FAM124B: variants seen among roughly 807,000 people sequenced by gnomAD.
FAM124B encodes the protein family with sequence similarity 124 member B.
Under a neutral mutation model 19.7 loss-of-function variants are expected in FAM124B, and 18 were observed. The observed-to-expected ratio is 0.92, with a 90% CI of 0.63 to 1.36. The LOEUF (loss-of-function observed/expected upper bound fraction) is 1.36, where lower values mean the gene tolerates loss of function less well. Among genes scored for constraint, FAM124B ranks in the 40% most tolerant of loss-of-function variants. FAM124B has a pLI of 0.00. For missense variants in FAM124B, 540 were observed against 553.3 expected, an observed-to-expected ratio of 0.98 and a Z score of 0.24; for synonymous variants, 223 against 225.2, an observed-to-expected ratio of 0.99 and a Z score of 0.09.
intron 1 of FAM124B, among the ~76,000 whole-genome samples, chr2:224,387,316 G>A (rs1421854204): frequency 6.6e-6 from 1 of 152,200 alleles, no homozygotes; most frequent in Non-Finnish European, 1.5e-5. Flanking sequence ...CTGAACTCTT[G>A]AAAATCAAGT....
intron 1 of FAM124B, among the ~76,000 whole-genome samples, chr2:224,393,735 A>T (rs566849620): frequency 1.3e-5 from 2 of 152,360 alleles, no homozygotes; most frequent in South Asian, 4.1e-4. Flanking sequence ...AGCTCTGAGA[A>T]TAGCGACATC....
chr2:224,384,790 A>G (rs753867876), intron 1 of FAM124B, among the ~76,000 whole-genome samples: 6 of 152,066 alleles, frequency 3.9e-5, no homozygotes, highest in Non-Finnish European at 5.9e-5. Context: ...CATTCTCTCT[A>G]GGTGAAAGTG....
intron 1 of FAM124B, chr2:224,400,136 T>C (rs926716431): frequency 8.6e-6 from 2 of 233,056 alleles, no homozygotes; most frequent in African/African-American, 4.5e-5. Context: ...TTGACAGTGA[T>C]GCAAGATGCT....
intron 1 of FAM124B, among the ~76,000 whole-genome samples, chr2:224,387,722 T>A (rs1353684261): frequency 4.8e-5 from 7 of 146,554 alleles, no homozygotes; most frequent in Admixed American, 4.1e-4. Context: ...TGGGGTATGA[T>A]GGGGGTGGAG....
At chr2:224,383,027 G>T (rs1383637623) in intron 1 of FAM124B, among the ~76,000 whole-genome samples, 2 of 152,118 alleles carry the variant, frequency 1.3e-5, no homozygotes, top group Non-Finnish European at 2.9e-5. Flanking sequence ...CTCTCTAGGG[G>T]CGACACTGTT....
In FAM124B at chr2:224,401,179, A is replaced by C. The variant is rs928020765; in HGVS notation, c.590T>G (p.Val197Gly). The C allele has an allele frequency of 6.2e-7, 1 of 1,614,190 alleles. No individual in the cohort carries two copies. Among genetic ancestry groups the C allele is most frequent in the Non-Finnish European group, 8.5e-7 (1 of 1,180,040 alleles). ...CAGCACCGAAGACTCTTTGGGGTCC[A>C]CTGACATTCCCGGGGGCAGCTGCTT... is the stretch of plus-strand genomic sequence containing the variant. ...SLKQLPPGMS[V>G]DPKESSVLQF... is the part of the protein sequence containing the mutation. Residue 197 changes from valine to glycine, a missense_variant, in exon 1 of 2, where the codon GTG becomes GGG. Transcript: ENST00000409685.
intron 1 of FAM124B, among the ~76,000 whole-genome samples, chr2:224,390,779 C>A (rs112825059): frequency 1.9e-3 from 281 of 151,496 alleles, no homozygotes; most frequent in African/African-American, 6.5e-3. Context: ...CGGCCCACTG[C>A]AACCTCCACC....
At chr2:224,400,784 G>A (rs911864691) in intron 1 of FAM124B, among the ~76,000 whole-genome samples, 1 of 152,148 alleles carries the variant, frequency 6.6e-6, no homozygotes. Context: ...TTATCTGTCA[G>A]ATGAGATTTT....
rs1689693525 is a variant in FAM124B, at chr2:224,380,184, C to T, written c.757G>A (p.Val253Ile). The change falls in exon 2 of 2, where the codon GTT becomes ATT. Residue 253 changes from valine to isoleucine, a missense_variant. Val to Ile is a conservative substitution (Grantham distance 29, BLOSUM62 3). Transcript: ENST00000409685. ...CCAGCTCCCAAGATGCCATTCTTAA[C>T]ACCAAGTTCTGGATTCAGCTGAACC... Reference protein sequence around the residue: ...LQVQLNPELGVKNGILGAGML... With the variant: ...LQVQLNPELGIKNGILGAGML... 6.5e-7 allele frequency: 1 copy of T among 1,548,488 alleles called. No individual in the cohort carries two copies. Among genetic ancestry groups the T allele is most frequent in the South Asian group, 1.2e-5 (1 of 83,872 alleles).
rs140217477 is a variant in FAM124B at position 224,392,340 on chromosome 2, A to G, written c.732+8697T>C. On this transcript the variant is annotated intron_variant, in intron 1 of 1. Coordinates refer to ENST00000409685, the MANE Select transcript of FAM124B (RefSeq NM_001122779.2). ...ACGCCTAGAGTTTCAGCTACTCAGG[A>G]GGCTGAAATGAGAAGATCACTAGAA... 1.8e-4 allele frequency among the ~76,000 whole-genome samples: 27 copies of G among 152,312 alleles called. No homozygotes were observed. The East Asian group carries it at 5.0e-3, about 28-fold the overall frequency.
chr2:224,379,391 A>G lies in FAM124B; in HGVS notation c.*182T>C. 1 of 896,618 alleles carries G rather than the reference A, an allele frequency of 1.1e-6. No homozygotes were observed. Among genetic ancestry groups the G allele is most frequent in the Non-Finnish European group, 1.6e-6 (1 of 627,268 alleles). The allele number at this position is 896,618 out of a possible 1,614,324, so 55.5% of individuals were successfully genotyped here. The stretch of plus-strand genomic sequence containing the variant: ...TGTTCTCTTATGACTGTGACGGCAA[A>G]TAAACAATCATTCCCAGCACCTTTA... On this transcript the variant is annotated 3_prime_UTR_variant, in exon 2 of 2. Coordinates refer to ENST00000409685, the MANE Select transcript of FAM124B (RefSeq NM_001122779.2).
chr2:224,380,561 T>G (rs1030926481), intron 1 of FAM124B, among the ~76,000 whole-genome samples: 1 of 152,196 alleles, frequency 6.6e-6, no homozygotes, highest in Non-Finnish European at 1.5e-5. Flanking sequence ...AAATGATATA[T>G]TTATTAGCAA....
chr2:224,389,961 T>C (rs1689853321), intron 1 of FAM124B, among the ~76,000 whole-genome samples: 1 of 151,976 alleles, frequency 6.6e-6, no homozygotes, highest in Non-Finnish European at 1.5e-5. Flanking sequence ...GTTACTGACA[T>C]CCAACTGATA....
chr2:224,382,597 T>C (rs1014509763), intron 1 of FAM124B, among the ~76,000 whole-genome samples: 3 of 152,036 alleles, frequency 2.0e-5, no homozygotes, highest in Admixed American at 2.0e-4. Context: ...TTAGTAGAGA[T>C]GAGGTTTCTC....
Position 224,392,088 on chromosome 2 carries a change from C to T in FAM124B, c.732+8949G>A, listed in dbSNP as rs987125264. 3.9e-5 allele frequency among the ~76,000 whole-genome samples: 6 copies of T among 152,262 alleles called. No individual in the cohort carries two copies. In the South Asian group the frequency reaches 1.2e-3, roughly 32 times the overall value. ...CTTCAACTATGTACCATACTCAATA[C>T]AATTAATGCTAAATATCTTTTGATT... On this transcript the variant is annotated intron_variant, in intron 1 of 1. Coordinates refer to ENST00000409685, the MANE Select transcript of FAM124B (RefSeq NM_001122779.2).
chr2:224,392,452 G>C (rs1689903042), intron 1 of FAM124B, among the ~76,000 whole-genome samples: 1 of 151,806 alleles, frequency 6.6e-6, no homozygotes, highest in African/African-American at 2.4e-5. Flanking sequence ...CTCTAAAAAA[G>C]CAAAGAAAAA....
At position 224,401,507 on chromosome 2, in the gene FAM124B, A is replaced by T; in HGVS notation, c.262T>A (p.Ser88Thr). 1 of 1,614,092 alleles carries T rather than the reference A, an allele frequency of 6.2e-7. No homozygotes were observed. Among genetic ancestry groups the T allele is most frequent in the Admixed American group, 1.7e-5 (1 of 60,004 alleles). The change falls in exon 1 of 2, where the codon TCT becomes ACT. Residue 88 changes from serine (S) to threonine (T), a missense_variant. By Grantham distance (58) the Ser-to-Thr change is moderately conservative. Transcript: ENST00000409685. ...CACTGCCATGGCGAATGCTGGAGAG[A>T]GTCCAGGACGCGAAATAGCCTATCC... is the stretch of plus-strand genomic sequence containing the variant. ...GEDRLFRVLDSLQHSPWQCYP... is the reference protein window; with the variant it reads ...GEDRLFRVLDTLQHSPWQCYP...
chr2:224,398,703 G>A (rs1409623904), intron 1 of FAM124B, among the ~76,000 whole-genome samples: 6 of 152,294 alleles, frequency 3.9e-5, no homozygotes, highest in African/African-American at 7.2e-5. Flanking sequence ...GCAGCTGGGC[G>A]TGGTAGCTCA....
At chr2:224,392,864 A>G (rs1313633421) in intron 1 of FAM124B, among the ~76,000 whole-genome samples, 2 of 152,180 alleles carry the variant, frequency 1.3e-5, no homozygotes, top group Non-Finnish European at 2.9e-5. Flanking sequence ...GAAATAACCT[A>G]GGCCAGGGCA....
Sources: gnomAD v4.1 joint callset for allele counts (sites outside exome capture counted in the v4.1 genomes callset) on GRCh38, gnomAD v4.1.1 for gene constraint, MANE v1.5 for transcripts, NCBI Gene and HGNC (gene_info 2026-07-23, HGNC 2026-07-21) for gene names.